The following F8 variants were observed in gnomAD, a reference collection of about 807,000 sequenced individuals.
F8 encodes antihemophilic factor.
F8 carries 12 observed loss-of-function variants against 140.6 expected under a neutral mutation model. The observed-to-expected ratio is 0.09, with a 90% CI of 0.05 to 0.14. The LOEUF (loss-of-function observed/expected upper bound fraction) is 0.14. Ranked by LOEUF, F8 falls within the 10% of genes least tolerant of loss-of-function variation. The pLI, the probability that F8 is intolerant of heterozygous loss-of-function variation, is 1.00. For missense variants in F8, 1,354 were observed against 1,720.7 expected, an observed-to-expected ratio of 0.79 and a Z score of 3.77; for synonymous variants, 585 against 614.6, an observed-to-expected ratio of 0.95 and a Z score of 0.71.
intron 22 of F8, among the ~76,000 whole-genome samples, chrX:154,875,771 GTGT>G (rs1331818050): frequency 1.6e-4 from 17 of 104,652 alleles, no homozygotes; most frequent in Admixed American, 5.1e-4. Context: ...GTGTGTGTGT[GTGT>G]AGAGAGAGAG....
At chrX:154,839,613 C>T (rs781927389) in intron 25 of F8, among the ~76,000 whole-genome samples, 10 of 111,068 alleles carry the variant, frequency 9.0e-5, no homozygotes, top group Middle Eastern at 9.3e-3. Context: ...CCACCCGCCT[C>T]GGCCTCCCAA....
Position 154,953,914 on chromosome X carries a change from G to A in F8, c.1881C>T (p.Phe627=). The A allele has an allele frequency of 8.3e-7, 1 of 1,211,796 alleles. No homozygotes were observed. The highest frequency in any genetic ancestry group is 1.1e-6 in the Non-Finnish European group (1 of 895,526). The stretch of plus-strand genomic sequence containing the variant: ...CACTGTGCATGATGTTGGAGGCTTG[G>A]AACTCTGGATCCTCAAGCTGCACTC... ...PAGVQLEDPE[F]QASNIMHSIN... The change falls in exon 12 of 26, where the codon TTC becomes TTT. Residue 627 remains phenylalanine (F), a synonymous_variant. Coordinates refer to ENST00000360256, the MANE Select transcript of F8 (RefSeq NM_000132.4).
chrX:154,867,723 A>G (rs1439694646), intron 22 of F8, among the ~76,000 whole-genome samples: 2 of 107,900 alleles, frequency 1.9e-5, no homozygotes, highest in Non-Finnish European at 3.8e-5. Context: ...AAAGAAAAAG[A>G]AAATGAAAAG....
chrX:154,993,975 C>A (rs1314384241), intron 3 of F8, among the ~76,000 whole-genome samples: 1 of 112,261 alleles, frequency 8.9e-6, no homozygotes, highest in Non-Finnish European at 1.9e-5. Context: ...CCAGACTCAG[C>A]TACAAGCTGA....
At chrX:154,921,795 T>C (rs1238080725) in intron 14 of F8, among the ~76,000 whole-genome samples, 2 of 107,525 alleles carry the variant, frequency 1.9e-5, no homozygotes, top group African/African-American at 6.8e-5. Flanking sequence ...AACCAAACAC[T>C]GTATGTTCTC....
At chrX:154,987,776 A>G (rs782802017) in intron 4 of F8, among the ~76,000 whole-genome samples, 4 of 112,322 alleles carry the variant, frequency 3.6e-5, no homozygotes, top group Non-Finnish European at 7.5e-5. Flanking sequence ...CACATTTTAA[A>G]TAAATACCGT....
At chrX:154,972,441 T>C in intron 6 of F8, among the ~76,000 whole-genome samples, 1 of 111,433 alleles carries the variant, frequency 9.0e-6, no homozygotes, top group Non-Finnish European at 1.9e-5. Context: ...AGATGTATAA[T>C]CTGCAAATAT....
chrX:154,936,259 C>G (rs2073224660), intron 13 of F8, among the ~76,000 whole-genome samples: 1 of 111,330 alleles, frequency 9.0e-6, no homozygotes, highest in South Asian at 3.7e-4. Flanking sequence ...AATTCAAAAA[C>G]AGAAATAAAG....
chrX:154,900,338 A>G (rs978902146), intron 20 of F8, among the ~76,000 whole-genome samples: 9 of 110,430 alleles, frequency 8.1e-5, no homozygotes, highest in Non-Finnish European at 1.7e-4. Flanking sequence ...AGTTCAAGCA[A>G]TTCTCCTGCC....
chrX:155,019,130 G>A (rs1234208879), intron 1 of F8, among the ~76,000 whole-genome samples: 1 of 111,887 alleles, frequency 8.9e-6, no homozygotes, highest in Non-Finnish European at 1.9e-5. Flanking sequence ...TATCAAAGAA[G>A]ACAATTCAGA....
At chrX:154,949,405 G>A (rs2073324930) in intron 12 of F8, among the ~76,000 whole-genome samples, 1 of 112,282 alleles carries the variant, frequency 8.9e-6, no homozygotes, top group African/African-American at 3.2e-5. Context: ...GTTGCTGGCT[G>A]CTGTTCTGTA....
At position 155,013,413 on chromosome X, in the gene F8, T is replaced by A. The variant is rs922868338; in HGVS notation, c.143+8997A>T. On this transcript the variant is annotated intron_variant, in intron 1 of 25. Transcript: ENST00000360256. ...CTGCCACCATGCCATATAAGATGTG[T>A]CTTTGCTCCTCCTTTGCCTTCCACC... Among the ~76,000 whole-genome samples, 8 of 111,243 alleles carry A rather than the reference T, an allele frequency of 7.2e-5. No individual in the cohort carries two copies. The South Asian group carries it at 1.9e-3, about 27-fold the overall frequency.
intron 6 of F8, among the ~76,000 whole-genome samples, chrX:154,977,789 A>G (rs1557283137): frequency 9.1e-6 from 1 of 110,206 alleles, no homozygotes; most frequent in Admixed American, 9.7e-5. Flanking sequence ...CTTTATCTAG[A>G]TGTCTAAATC....
intron 20 of F8, among the ~76,000 whole-genome samples, chrX:154,900,381 G>A (rs1227569027): frequency 1.8e-5 from 2 of 110,165 alleles, no homozygotes; most frequent in African/African-American, 3.3e-5. Flanking sequence ...CTACAATCGC[G>A]TACCACCATG....
intron 1 of F8, among the ~76,000 whole-genome samples, chrX:155,003,824 G>T (rs1207279821): frequency 7.3e-5 from 8 of 109,886 alleles, no homozygotes; most frequent in Non-Finnish European, 1.3e-4. Context: ...AGCCAGCTGT[G>T]GTGGCGGGTG....
At chrX:154,857,589 T>C (rs1333746800) in intron 25 of F8, among the ~76,000 whole-genome samples, 1 of 112,160 alleles carries the variant, frequency 8.9e-6, no homozygotes, top group Non-Finnish European at 1.9e-5. Flanking sequence ...TTTTAGGCAG[T>C]GTACCTGGTT....
At chrX:155,002,300 G>A (rs2073650462) in intron 1 of F8, among the ~76,000 whole-genome samples, 2 of 112,410 alleles carry the variant, frequency 1.8e-5, no homozygotes, top group African/African-American at 3.2e-5. Context: ...GGATATGATG[G>A]TTAATTTTAT....
intron 12 of F8, among the ~76,000 whole-genome samples, chrX:154,949,986 C>T (rs1409306706): frequency 2.7e-5 from 3 of 111,269 alleles, no homozygotes; most frequent in Admixed American, 9.5e-5. Context: ...AGGATGGTCT[C>T]GATCTCTTGA....
At position 154,837,453 on chromosome X, in the gene F8, G is replaced by A. The variant is rs1479351169; in HGVS notation, c.*144C>T. ...CTGGCCCCCCACCAAAGAAATGCAGGACTGATGATAGTTAATTCAGGAGGC... is the reference window on the plus strand; with the variant it reads ...CTGGCCCCCCACCAAAGAAATGCAGAACTGATGATAGTTAATTCAGGAGGC... On this transcript the variant is annotated 3_prime_UTR_variant, in exon 26 of 26. Coordinates refer to ENST00000360256, the MANE Select transcript of F8 (RefSeq NM_000132.4). The A allele has an allele frequency of 4.5e-6, 3 of 660,552 alleles. No homozygotes were observed. Among genetic ancestry groups the A allele is most frequent in the Non-Finnish European group, 6.9e-6 (3 of 432,448 alleles). 54.4% of individuals were successfully genotyped at this position (660,552 alleles called of 1,213,427 possible).
Sources: allele counts gnomAD v4.1 joint callset (sites outside exome capture counted in the v4.1 genomes callset), GRCh38; gene constraint gnomAD v4.1.1; transcripts MANE v1.5; gene names NCBI Gene and HGNC (gene_info 2026-07-23, HGNC 2026-07-21).